Variants in RELN observed in about 807,000 individuals in gnomAD.
RELN encodes reelin.
In RELN, 108 loss-of-function variants were observed where a neutral mutation model predicts 427.6. That is an observed-to-expected ratio of 0.25 (90% CI 0.22 to 0.30). The LOEUF (loss-of-function observed/expected upper bound fraction) is 0.30, where lower values mean the gene tolerates loss of function less well. Ranked by LOEUF, RELN falls within the 10% of genes least tolerant of loss-of-function variation. The pLI is 1.00. For missense variants in RELN, 3,715 were observed against 4,302.8 expected (o/e 0.86, Z 3.82); for synonymous variants, 1,524 against 1,513.4 (o/e 1.01, Z -0.16).
chr7:103,545,798 G>A (rs929223290), intron 41 of RELN, among the ~76,000 whole-genome samples: 2 of 151,964 alleles, frequency 1.3e-5, no homozygotes, highest in Non-Finnish European at 2.9e-5. Context: ...ACCACACCTG[G>A]CTAATTTTTG....
chr7:103,655,335 C>A (rs1156946317), intron 12 of RELN, among the ~76,000 whole-genome samples: 3 of 152,070 alleles, frequency 2.0e-5, no homozygotes, highest in African/African-American at 7.2e-5. Context: ...TCTTTTATTA[C>A]TGTCTTTCTA....
At chr7:103,954,175 A>C (rs921207967) in intron 1 of RELN, among the ~76,000 whole-genome samples, 2 of 152,062 alleles carry the variant, frequency 1.3e-5, no homozygotes, top group Admixed American at 6.6e-5. Context: ...CAGGAGAATC[A>C]CTTGAGCCTG....
In RELN at chr7:103,601,742, T is replaced by A. The variant is rs1831673566; in HGVS notation, c.3333+1562A>T. 3.3e-5 allele frequency among the ~76,000 whole-genome samples: 5 copies of A among 152,150 alleles called. No individual in the cohort carries two copies. The South Asian group carries it at 1.0e-3, about 32-fold the overall frequency. On this transcript the variant is annotated intron_variant, in intron 24 of 64. Transcript: ENST00000428762. ...GAAAAGAGAAAAAGAATGTCCTGCC[T>A]AGACTGCAGTGAGGGAGGAGAGAGA...
intron 8 of RELN, among the ~76,000 whole-genome samples, chr7:103,712,776 G>A (rs1403343975): frequency 6.6e-6 from 1 of 152,124 alleles, no homozygotes; most frequent in Admixed American, 6.5e-5. Context: ...ACAGATTAGG[G>A]ATTGTGAGTC....
At chr7:103,713,080 T>G (rs1337058599) in intron 8 of RELN, among the ~76,000 whole-genome samples, 2 of 152,050 alleles carry the variant, frequency 1.3e-5, no homozygotes, top group Non-Finnish European at 1.5e-5. Flanking sequence ...AGGAGAGAAT[T>G]GATCTCACAG....
intron 2 of RELN, among the ~76,000 whole-genome samples, chr7:103,865,345 A>G (rs558426184): frequency 6.6e-6 from 1 of 151,268 alleles, no homozygotes; most frequent in Non-Finnish European, 1.5e-5. Flanking sequence ...AGTAATATCA[A>G]TCTTTCTTAA....
chr7:103,566,839 G>C (rs1185291320), intron 31 of RELN, 80 bp from the exon 32 acceptor site: 1 of 1,348,716 alleles, frequency 7.4e-7, no homozygotes, highest in Non-Finnish European at 1.1e-6. Context: ...TGGTGAGACT[G>C]CAGCAACCTC....
chr7:103,649,818 C>CT (rs997391509), intron 16 of RELN, among the ~76,000 whole-genome samples: 2 of 151,826 alleles, frequency 1.3e-5, no homozygotes, highest in African/African-American at 4.8e-5. Flanking sequence ...GTTTCACCTC[C>CT]TTTTTTTAGA....
chr7:103,870,030 A>G lies in RELN; in HGVS notation c.338-36358T>C, dbSNP rs117576015. Among the ~76,000 whole-genome samples, 1,060 of 152,196 alleles carry G rather than the reference A, an allele frequency of 7.0e-3. 7 individuals are homozygous for G. The highest frequency in any genetic ancestry group is 0.011 in the Non-Finnish European group (759 of 67,982). Reference sequence around the variant, plus strand: ...CCTCATGTGCTTTTAAGATCATCCAATGAACCCTTCATTCCAGCTTTTGCA... The same window carrying G: ...CCTCATGTGCTTTTAAGATCATCCAGTGAACCCTTCATTCCAGCTTTTGCA... On this transcript the variant is annotated intron_variant, in intron 2 of 64. Transcript: ENST00000428762.
In RELN at chr7:103,626,941, A is replaced by T. The variant is rs567312883; in HGVS notation, c.2702+2999T>A. On this transcript the variant is annotated intron_variant, in intron 20 of 64. Coordinates refer to ENST00000428762, the MANE Select transcript of RELN (RefSeq NM_005045.4). The surrounding 1 kb of genome is among the most constrained non-coding windows in gnomAD (Gnocchi z 4.4). ...AGAATTCAAAGCAATTCATTTCTCCACTGGAAAAAAGTGCTCTAGGATGAC... is the reference window on the plus strand; with the variant it reads ...AGAATTCAAAGCAATTCATTTCTCCTCTGGAAAAAAGTGCTCTAGGATGAC... Among the ~76,000 whole-genome samples the T allele has an allele frequency of 4.6e-5, 7 of 152,212 alleles. No individual in the cohort carries two copies. The highest frequency in any genetic ancestry group is 1.4e-4 in the African/African-American group (6 of 41,566).
intron 2 of RELN, among the ~76,000 whole-genome samples, chr7:103,864,461 C>G (rs1372079468): frequency 6.6e-6 from 1 of 152,130 alleles, no homozygotes; most frequent in African/African-American, 2.4e-5. Flanking sequence ...CCCCCTCCTC[C>G]TGGCACCTGG....
chr7:103,806,436 T>G (rs1239889839), intron 3 of RELN, among the ~76,000 whole-genome samples: 1 of 152,098 alleles, frequency 6.6e-6, no homozygotes, highest in Non-Finnish European at 1.5e-5. Context: ...GCAATTCTCC[T>G]GCCTCAGCCT....
chr7:103,974,372 T>TCCCTTG (rs1796828078), intron 1 of RELN, among the ~76,000 whole-genome samples: 1 of 152,158 alleles, frequency 6.6e-6, no homozygotes, highest in Non-Finnish European at 1.5e-5. Flanking sequence ...GCCAGTCCAT[T>TCCCTTG]TCCTGAGCCT....
chr7:103,723,279 G>C, intron 7 of RELN, 88 bp from the exon 8 acceptor site: 1 of 760,426 alleles, frequency 1.3e-6, no homozygotes, highest in Non-Finnish European at 2.3e-6. Context: ...GAGGGGAAGA[G>C]TTAAAAAAGA....
intron 53 of RELN, 75 bp from the exon 54 acceptor site, chr7:103,498,327 G>C (rs1828906017): frequency 7.4e-7 from 1 of 1,348,578 alleles, no homozygotes; most frequent in Admixed American, 1.7e-5. Flanking sequence ...AAAATACAGA[G>C]TGATGTCTTG....
intron 11 of RELN, among the ~76,000 whole-genome samples, chr7:103,680,894 G>A (rs1372650951): frequency 6.6e-6 from 1 of 152,086 alleles, no homozygotes; most frequent in African/African-American, 2.4e-5. Context: ...GGCCCTGAGG[G>A]GGTGGAGTCA....
At position 103,596,602 on chromosome 7, in the gene RELN, C is replaced by A; in HGVS notation, c.3393G>T (p.Gln1131His). The A allele has an allele frequency of 6.2e-7, 1 of 1,614,084 alleles. No homozygotes were observed. Among genetic ancestry groups the A allele is most frequent in the Non-Finnish European group, 8.5e-7 (1 of 1,179,958 alleles). The change falls in exon 25 of 65, where the codon CAG (glutamine) becomes CAT (histidine). Residue 1131 changes from glutamine to histidine, a missense_variant. Physicochemically the swap from Gln to His is conservative, Grantham distance 24. Coordinates refer to ENST00000428762, the MANE Select transcript of RELN (RefSeq NM_005045.4). ...DLDTSWVDFVQFYIQIGGESA... is the reference protein window; with the variant it reads ...DLDTSWVDFVHFYIQIGGESA... ...TCTCTCCGCCTATCTGGATGTAGAA[C>A]TGGACAAAGTCCACCCAAGAAGTAT...
rs575617083 is a variant in RELN at position 103,605,212 on chromosome 7, G to C, written c.3009-729C>G. On this transcript the variant is annotated intron_variant, in intron 22 of 64. Transcript: ENST00000428762. ...CTTACAATAAATACAGTAGTTATTAGAACATTTTCAGCTAGTTCGTAATAT... is the reference window on the plus strand; with the variant it reads ...CTTACAATAAATACAGTAGTTATTACAACATTTTCAGCTAGTTCGTAATAT... 1.0e-3 allele frequency among the ~76,000 whole-genome samples: 153 copies of C among 152,304 alleles called. 1 individual carries two copies. The highest frequency in any genetic ancestry group is 3.6e-3 in the African/African-American group (149 of 41,568).
chr7:103,805,702 C>A (rs913825574), intron 3 of RELN, among the ~76,000 whole-genome samples: 1 of 152,150 alleles, frequency 6.6e-6, no homozygotes. Context: ...GTCACAGGCT[C>A]TTTTTACTTA....
Sources: gnomAD v4.1 joint callset for allele counts (sites outside exome capture counted in the v4.1 genomes callset) on GRCh38, gnomAD v4.1.1 for gene constraint, Gnocchi (gnomAD v3.1) non-coding constraint, MANE v1.5 for transcripts, NCBI Gene and HGNC (gene_info 2026-07-23, HGNC 2026-07-21) for gene names.